Variants in PSMA1 observed in about 807,000 individuals in gnomAD.
PSMA1 encodes the protein proteasome 20S subunit alpha 1, also known as proteasome subunit alpha type-1.
Under a neutral mutation model 38.4 loss-of-function variants are expected in PSMA1, and 3 were observed. The observed-to-expected ratio is 0.08, with a 90% CI of 0.04 to 0.20. The LOEUF (loss-of-function observed/expected upper bound fraction) is 0.20, where lower values mean the gene tolerates loss of function less well. Ranked by LOEUF, PSMA1 falls within the 10% of genes least tolerant of loss-of-function variation. The pLI, the probability that PSMA1 is intolerant of heterozygous loss-of-function variation, is 1.00. For synonymous variants in PSMA1, 101 were observed against 107.1 expected (o/e 0.94, Z 0.35); for missense variants, 227 against 325.3 (o/e 0.70, Z 2.32).
chr11:14,639,334 GT>G (rs1469810351), intron 1 of PSMA1, among the ~76,000 whole-genome samples: 4 of 152,106 alleles, frequency 2.6e-5, no homozygotes, highest in African/African-American at 9.7e-5. Context: ...AATATGAAAA[GT>G]TTTTTCTATT....
chr11:14,553,482 C>T (rs1208979111), intron 2 of PSMA1, among the ~76,000 whole-genome samples: 1 of 152,128 alleles, frequency 6.6e-6, no homozygotes, highest in Non-Finnish European at 1.5e-5. Flanking sequence ...CCTGTACTGC[C>T]CCCAACCCAT....
chr11:14,634,700 C>T (rs1179781476), intron 1 of PSMA1, among the ~76,000 whole-genome samples: 1 of 152,090 alleles, frequency 6.6e-6, no homozygotes, highest in Non-Finnish European at 1.5e-5. Context: ...GTTTTAGGGG[C>T]TGGTAGTATA....
chr11:14,602,540 T>G (rs1245776567), intron 2 of PSMA1, among the ~76,000 whole-genome samples: 1 of 152,174 alleles, frequency 6.6e-6, no homozygotes, highest in Non-Finnish European at 1.5e-5. Flanking sequence ...TCTTGTAATT[T>G]TACAGTCTAC....
upstream of PSMA1, among the ~76,000 whole-genome samples, chr11:14,525,143 C>A (rs980145593): frequency 5.9e-5 from 9 of 152,100 alleles, no homozygotes; most frequent in Non-Finnish European, 1.0e-4. Context: ...AAAACTCCCC[C>A]ACTCTGGTGC....
chr11:14,549,526 C>G (rs780522841), intron 2 of PSMA1, among the ~76,000 whole-genome samples: 2 of 151,844 alleles, frequency 1.3e-5, no homozygotes, highest in Admixed American at 6.6e-5. Context: ...ACGTTGAAAC[C>G]CTGTCTCTAC....
rs190887073 is a variant in PSMA1 at position 14,575,937 on chromosome 11, T to A, written c.21+35029A>T. ...CCAGCACCTGTTGTTTCCTGACTTT[T>A]TAATGATCACCATTCTAACTGGTGT... On this transcript the variant is annotated intron_variant, in intron 2 of 10. Coordinates refer to the PSMA1 transcript ENST00000418988. Among the ~76,000 whole-genome samples the A allele has an allele frequency of 9.2e-3, 1,399 of 152,338 alleles. 67 individuals carry two copies. Among genetic ancestry groups the A allele is most frequent in the Non-Finnish European group, 2.3e-3 (154 of 68,032 alleles).
At chr11:14,589,186 T>A (rs1852382625) in intron 2 of PSMA1, among the ~76,000 whole-genome samples, 2 of 152,192 alleles carry the variant, frequency 1.3e-5, no homozygotes, top group African/African-American at 4.8e-5. Context: ...AATCCCTGCA[T>A]CCCTATTTAA....
rs554614607 is a variant in PSMA1 at position 14,619,214 on chromosome 11, G to A, written c.-165-8063C>T. On this transcript the variant is annotated intron_variant, in intron 1 of 10. Coordinates refer to the PSMA1 transcript ENST00000418988. ...CTGTGATCCCAGCACTTTGGGAGGC[G>A]GAGGCAAGCAGATTGCTTGAGCTCA... 1.7e-3 allele frequency among the ~76,000 whole-genome samples: 262 copies of A among 152,160 alleles called. 2 individuals are homozygous for A. The highest frequency in any genetic ancestry group is 2.7e-3 in the Admixed American group (41 of 15,272).
At chr11:14,536,553 A>T (rs1851710198) in intron 2 of PSMA1, among the ~76,000 whole-genome samples, 1 of 151,686 alleles carries the variant, frequency 6.6e-6, no homozygotes, top group African/African-American at 2.4e-5. Flanking sequence ...AGAAAAACAA[A>T]CAAAAAAACT....
At chr11:14,577,477 C>G (rs1347498836) in intron 2 of PSMA1, among the ~76,000 whole-genome samples, 1 of 152,146 alleles carries the variant, frequency 6.6e-6, no homozygotes, top group Non-Finnish European at 1.5e-5. Flanking sequence ...TACTGTGAAC[C>G]CTCACATCAC....
intron 8 of PSMA1, among the ~76,000 whole-genome samples, chr11:14,510,655 C>T (rs953509721): frequency 8.6e-5 from 13 of 152,038 alleles, no homozygotes; most frequent in Non-Finnish European, 1.6e-4. Flanking sequence ...TAATGAAGGA[C>T]ATTTTGCATG....
chr11:14,595,002 C>T lies in PSMA1; in HGVS notation c.21+15964G>A, dbSNP rs370684518. On this transcript the variant is annotated intron_variant, in intron 2 of 10. Coordinates refer to the PSMA1 transcript ENST00000418988. Reference sequence around the variant, plus strand: ...CAATTCCCACCTATGGGTGAGAACACGCACTGTTTGATTTTCTATCCTTAT... The same window carrying T: ...CAATTCCCACCTATGGGTGAGAACATGCACTGTTTGATTTTCTATCCTTAT... Among the ~76,000 whole-genome samples the T allele has an allele frequency of 7.9e-5, 12 of 151,798 alleles. No individual in the cohort carries two copies. In the East Asian group the frequency reaches 1.8e-3, roughly 22 times the overall value.
chr11:14,598,173 G>T (rs933508170), intron 2 of PSMA1, among the ~76,000 whole-genome samples: 3 of 152,166 alleles, frequency 2.0e-5, no homozygotes, highest in African/African-American at 7.2e-5. Flanking sequence ...TTCCAAATAT[G>T]TGGTCAATTT....
At chr11:14,535,444 C>CTTTTTTTTT (rs766986230) in intron 2 of PSMA1, among the ~76,000 whole-genome samples, 2 of 135,876 alleles carry the variant, frequency 1.5e-5, no homozygotes, top group Non-Finnish European at 1.6e-5. Flanking sequence ...TTCTTTCTTT[C>CTTTTTTTTT]TTTTTTTTTT....
chr11:14,569,860 G>A (rs1280458312), intron 2 of PSMA1, among the ~76,000 whole-genome samples: 1 of 152,206 alleles, frequency 6.6e-6, no homozygotes, highest in Non-Finnish European at 1.5e-5. Flanking sequence ...GAAGAGAGTA[G>A]TGGTTCTCCC....
At chr11:14,515,657 G>T (rs998947229) in intron 4 of PSMA1, among the ~76,000 whole-genome samples, 1 of 151,350 alleles carries the variant, frequency 6.6e-6, no homozygotes, top group African/African-American at 2.4e-5. Flanking sequence ...GGGTTCAAGC[G>T]ATTCTCTTGC....
intron 2 of PSMA1, among the ~76,000 whole-genome samples, chr11:14,582,841 C>G (rs1432609076): frequency 6.6e-6 from 1 of 152,142 alleles, no homozygotes; most frequent in Non-Finnish European, 1.5e-5. Flanking sequence ...TCATACACTT[C>G]TTAATAGCAG....
intron 1 of PSMA1, among the ~76,000 whole-genome samples, chr11:14,638,533 CTCTCTCTCTCTCTATATATATATATA>C (rs1362756588): frequency 0.033 from 935 of 28,758 alleles, 2 homozygotes; most frequent in Non-Finnish European, 0.041. Context: ...CTCTCTCTCT[CTCTCTCTCTCTCTATATATATATATA>C]TATATATATA....
At chr11:14,617,799 A>G (rs962278371) in intron 1 of PSMA1, among the ~76,000 whole-genome samples, 1 of 151,940 alleles carries the variant, frequency 6.6e-6, no homozygotes, top group South Asian at 2.1e-4. Flanking sequence ...GGCTTTACTG[A>G]AACTGGAATC....
Sources: gnomAD v4.1 joint callset for allele counts (sites outside exome capture counted in the v4.1 genomes callset) on GRCh38, gnomAD v4.1.1 for gene constraint, MANE v1.5 for transcripts, NCBI Gene and HGNC (gene_info 2026-07-23, HGNC 2026-07-21) for gene names.